Variants in WDR49 observed in about 807,000 individuals in gnomAD.
WDR49 encodes the protein cilia- and flagella-associated protein 337.
In WDR49, 107 loss-of-function variants were observed where a neutral mutation model predicts 119.5. That is an observed-to-expected ratio of 0.90 (90% CI 0.77 to 1.05). WDR49 has a LOEUF of 1.05. Ranked by LOEUF, WDR49 falls within the 50% of genes least tolerant of loss-of-function variation. WDR49 has a pLI of 0.00. For synonymous variants in WDR49, 425 were observed against 418.8 expected (o/e 1.01, Z -0.18); for missense variants, 1,240 against 1,220.5 (o/e 1.02, Z -0.24).
chr3:167,598,278 G>A (rs977997617), intron 7 of WDR49, among the ~76,000 whole-genome samples: 9 of 151,468 alleles, frequency 5.9e-5, no homozygotes, highest in Non-Finnish European at 1.0e-4. Flanking sequence ...GCACTCCAGC[G>A]TGGGTGACAG....
At chr3:167,599,164 C>G (rs1715641192) in intron 7 of WDR49, among the ~76,000 whole-genome samples, 1 of 152,174 alleles carries the variant, frequency 6.6e-6, no homozygotes, top group African/African-American at 2.4e-5. Context: ...GTGTCCTTCC[C>G]TTCAGGGCAG....
chr3:167,523,350 G>A (rs2108233366), intron 15 of WDR49, among the ~76,000 whole-genome samples: 1 of 150,924 alleles, frequency 6.6e-6, no homozygotes, highest in African/African-American at 2.4e-5. Context: ...TTACATAAAA[G>A]CCATAGTTAC....
intron 7 of WDR49, 26 bp from the exon 8 acceptor site, chr3:167,576,177 T>C (rs945252248): frequency 1.9e-6 from 3 of 1,590,720 alleles, no homozygotes; most frequent in Non-Finnish European, 2.6e-6. Context: ...TAAAATCATT[T>C]CAATATGTCA....
At chr3:167,585,871 T>A (rs569181963) in intron 7 of WDR49, among the ~76,000 whole-genome samples, 1 of 152,234 alleles carries the variant, frequency 6.6e-6, no homozygotes, top group South Asian at 2.1e-4. Flanking sequence ...GGGGAAATGA[T>A]CATAAGGAAT....
chr3:167,573,491 A>T (rs947901321), intron 8 of WDR49, among the ~76,000 whole-genome samples: 1 of 152,084 alleles, frequency 6.6e-6, no homozygotes, highest in African/African-American at 2.4e-5. Context: ...TTATAGGGAG[A>T]CATTAAAACA....
At chr3:167,653,631 A>G (rs1182185548) in intron 1 of WDR49, 132 bp from the exon 2 acceptor site, 1 of 489,928 alleles carries the variant, frequency 2.0e-6, no homozygotes, top group South Asian at 4.9e-5. Flanking sequence ...CACTTATTTG[A>G]TTCTAGAGTT....
intron 5 of WDR49, among the ~76,000 whole-genome samples, chr3:167,613,901 T>G (rs1196565124): frequency 6.7e-6 from 1 of 148,226 alleles, no homozygotes; most frequent in Non-Finnish European, 1.5e-5. Flanking sequence ...GCCGAGATCA[T>G]GCCACTGCAG....
chr3:167,606,828 C>T (rs1423370875), intron 5 of WDR49, among the ~76,000 whole-genome samples: 1 of 152,104 alleles, frequency 6.6e-6, no homozygotes, highest in Admixed American at 6.6e-5. Context: ...GGGTCATGGC[C>T]AATACCCCTA....
chr3:167,499,109 A>C (rs561892261), intron 18 of WDR49, among the ~76,000 whole-genome samples: 204 of 152,330 alleles, frequency 1.3e-3, no homozygotes, highest in African/African-American at 4.0e-3. Context: ...AATAAAAAAA[A>C]CAAAACCTGA....
chr3:167,614,080 ATTCT>A, intron 5 of WDR49, among the ~76,000 whole-genome samples: 1 of 152,082 alleles, frequency 6.6e-6, no homozygotes, highest in African/African-American at 2.4e-5. Flanking sequence ...TTTCATGCTC[ATTCT>A]TTCTTTCTTG....
At chr3:167,570,833 C>T (rs532865255) in intron 8 of WDR49, among the ~76,000 whole-genome samples, 3 of 152,174 alleles carry the variant, frequency 2.0e-5, no homozygotes, top group Non-Finnish European at 2.9e-5. Context: ...GTCAGGAGTT[C>T]GAGACCAGCC....
intron 2 of WDR49, among the ~76,000 whole-genome samples, chr3:167,637,576 CT>C (rs1378223981): frequency 6.6e-6 from 1 of 151,702 alleles, no homozygotes; most frequent in Non-Finnish European, 1.5e-5. Context: ...TTGTAGATTG[CT>C]TTTGGCAGTA....
intron 2 of WDR49, among the ~76,000 whole-genome samples, chr3:167,646,619 CTTTA>C (rs1461340823): frequency 1.3e-5 from 2 of 152,272 alleles, no homozygotes; most frequent in East Asian, 1.9e-4. Flanking sequence ...AGGAACTGAA[CTTTA>C]TTTTATGAAA....
At chr3:167,580,571 A>G (rs1419254901) in intron 7 of WDR49, among the ~76,000 whole-genome samples, 1 of 152,160 alleles carries the variant, frequency 6.6e-6, no homozygotes, top group Non-Finnish European at 1.5e-5. Flanking sequence ...AATCTCCTTG[A>G]AAAAGAAATC....
At chr3:167,577,218 G>C (rs1428049363) in intron 7 of WDR49, among the ~76,000 whole-genome samples, 1 of 152,034 alleles carries the variant, frequency 6.6e-6, no homozygotes, top group Non-Finnish European at 1.5e-5. Context: ...CAAAGAGGGT[G>C]AGTCACACTA....
In WDR49 at chr3:167,580,671, C is replaced by T. The variant is rs75751738; in HGVS notation, c.1276-4520G>A. Among the ~76,000 whole-genome samples, 1,044 of 152,226 alleles carry T rather than the reference C, an allele frequency of 6.9e-3. 56 individuals are homozygous for T. The East Asian group carries it at 0.13, about 20-fold the overall frequency. On this transcript the variant is annotated intron_variant, in intron 7 of 18. Coordinates refer to ENST00000682715, the MANE Select transcript of WDR49 (RefSeq NM_001366157.1). ...TCTTTTTTATTCAGTCTATATCCTT[C>T]TAATCATAAAAGCCCTCACATTAAT...
At chr3:167,548,108 G>A (rs1712320085) in intron 10 of WDR49, among the ~76,000 whole-genome samples, 1 of 152,012 alleles carries the variant, frequency 6.6e-6, no homozygotes, top group African/African-American at 2.4e-5. Context: ...CTTACTTGTA[G>A]GGTCCATTTT....
chr3:167,495,409 G>A (rs56878276), intron 18 of WDR49, among the ~76,000 whole-genome samples: 2,953 of 151,916 alleles, frequency 0.019, 98 homozygotes, highest in African/African-American at 0.065. Flanking sequence ...CTGAAACTGG[G>A]AACTGATTAG....
intron 14 of WDR49, 64 bp from the exon 15 acceptor site, chr3:167,528,081 C>A: frequency 7.1e-7 from 1 of 1,418,280 alleles, no homozygotes; most frequent in Non-Finnish European, 9.6e-7. Context: ...AATGACATAA[C>A]ACTTTTAAAA....
Sources: allele counts gnomAD v4.1 joint callset (sites outside exome capture counted in the v4.1 genomes callset), GRCh38; gene constraint gnomAD v4.1.1; transcripts MANE v1.5; gene names NCBI Gene and HGNC (gene_info 2026-07-23, HGNC 2026-07-21).